The following INSC variants were observed in gnomAD, a reference collection of about 807,000 sequenced individuals.
INSC encodes the protein INSC spindle orientation adaptor protein.
In INSC, 67 loss-of-function variants were observed where a neutral mutation model predicts 58.6. The ratio of observed to expected loss-of-function variants is 1.14; its 90% CI spans 0.94 to 1.40. The LOEUF (loss-of-function observed/expected upper bound fraction) is 1.40. Among genes scored for constraint, INSC ranks in the 40% most tolerant of loss-of-function variants. INSC has a pLI of 0.00. For missense variants in INSC, 714 were observed against 692.0 expected (o/e 1.03, Z -0.36); for synonymous variants, 262 against 276.1 (o/e 0.95, Z 0.51).
chr11:15,116,600 G>A lies in INSC; in HGVS notation c.-46+1597G>A, dbSNP rs565871012. On this transcript the variant is annotated intron_variant, in intron 1 of 12. Coordinates refer to ENST00000379556, the MANE Select transcript of INSC (RefSeq NM_001042536.3). ...GTTATTCTTCTTAGTAGAGCTTCTA[G>A]ACCTGTCCCATCCTGGCTATTCTCT... is the stretch of plus-strand genomic sequence containing the variant. Among the ~76,000 whole-genome samples the A allele has an allele frequency of 1.1e-4, 17 of 152,246 alleles. No homozygotes were observed. In the East Asian group the frequency reaches 2.7e-3, roughly 24 times the overall value.
chr11:15,238,819 G>A, intron 10 of INSC, 100 bp from the exon 11 acceptor site: 2 of 1,267,412 alleles, frequency 1.6e-6, no homozygotes, highest in Non-Finnish European at 2.2e-6. Flanking sequence ...AAGTCATCCT[G>A]ACAGCCTTTG....
chr11:15,235,492 G>A (rs1049584199), intron 9 of INSC, 110 bp from the exon 10 acceptor site: 15 of 813,726 alleles, frequency 1.8e-5, no homozygotes, highest in South Asian at 1.6e-4. Flanking sequence ...GGACAGGAAG[G>A]AGTCACGGGA....
intron 8 of INSC, among the ~76,000 whole-genome samples, chr11:15,222,299 G>T (rs537965972): frequency 6.6e-6 from 1 of 152,146 alleles, no homozygotes; most frequent in Non-Finnish European, 1.5e-5. Flanking sequence ...AATTTTTTGT[G>T]ACCCACCTCT....
intron 7 of INSC, among the ~76,000 whole-genome samples, chr11:15,218,996 G>C (rs1217246036): frequency 2.6e-5 from 4 of 152,326 alleles, no homozygotes; most frequent in Admixed American, 2.6e-4. Context: ...GAGTTAACAA[G>C]CTGTGGTCCC....
At chr11:15,162,092 G>T (rs1849038877) in intron 2 of INSC, among the ~76,000 whole-genome samples, 1 of 152,164 alleles carries the variant, frequency 6.6e-6, no homozygotes, top group Non-Finnish European at 1.5e-5. Context: ...TTGGGTTATA[G>T]AGAAGTATAT....
intron 1 of INSC, among the ~76,000 whole-genome samples, chr11:15,135,373 T>C (rs1006792024): frequency 1.3e-5 from 2 of 152,236 alleles, no homozygotes; most frequent in African/African-American, 4.8e-5. Context: ...ATGTGGCCCA[T>C]GTACCTTATA....
chr11:15,168,677 G>T (rs367602094), intron 2 of INSC, among the ~76,000 whole-genome samples: 13 of 152,192 alleles, frequency 8.5e-5, no homozygotes, highest in African/African-American at 3.1e-4. Flanking sequence ...TATCTATTTT[G>T]TGGATGAAGA....
intron 6 of INSC, among the ~76,000 whole-genome samples, chr11:15,198,737 G>C (rs1850466208): frequency 6.6e-6 from 1 of 152,066 alleles, no homozygotes; most frequent in Non-Finnish European, 1.5e-5. Context: ...GCTGATGAGA[G>C]CTTAGGACTT....
chr11:15,175,363 G>C (rs1477214714), intron 2 of INSC, among the ~76,000 whole-genome samples: 1 of 152,026 alleles, frequency 6.6e-6, no homozygotes, highest in African/African-American at 2.4e-5. Context: ...TTGATATTTA[G>C]GCTATTTCCA....
At chr11:15,238,014 G>T (rs918043157) in intron 10 of INSC, among the ~76,000 whole-genome samples, 1 of 152,144 alleles carries the variant, frequency 6.6e-6, no homozygotes, top group African/African-American at 2.4e-5. Flanking sequence ...GGAGCCACTG[G>T]GTGCAGAAGA....
chr11:15,200,740 C>A (rs780692277), intron 6 of INSC, 84 bp from the exon 7 acceptor site: 203 of 1,581,208 alleles, frequency 1.3e-4, no homozygotes, highest in Non-Finnish European at 1.7e-4. Context: ...GCATATCTGG[C>A]GAATCAGGGA....
intron 7 of INSC, among the ~76,000 whole-genome samples, chr11:15,218,247 A>G (rs181324631): frequency 3.3e-5 from 5 of 152,370 alleles, no homozygotes; most frequent in African/African-American, 1.2e-4. Context: ...AAGAGGTTTC[A>G]TAAACAAATA....
chr11:15,225,802 G>C lies in INSC; in HGVS notation c.1144G>C (p.Val382Leu). 2 of 1,613,632 alleles carry C rather than the reference G, an allele frequency of 1.2e-6. No individual in the cohort carries two copies. The highest frequency in any genetic ancestry group is 1.7e-6 in the Non-Finnish European group (2 of 1,179,786). ...LLEACSDKQR[V>L]DTPYTRDQIV... ...GGAAGCCTGCAGTGACAAGCAGAGA[G>C]TGGACACGCCTTACACTCGGGACCA... Residue 382 changes from valine (V) to leucine (L), a missense_variant, in exon 9 of 13, where the codon GTG (valine) becomes CTG (leucine). Val to Leu is a conservative substitution (Grantham distance 32, BLOSUM62 1). Transcript: ENST00000379556.
rs56375160 is a variant in INSC, at chr11:15,210,505, TTGTGTGTGTGTGTGTGTGTG to T, written c.819+9579_819+9598del. 3.0e-5 allele frequency among the ~76,000 whole-genome samples: 4 copies of T among 135,562 alleles called. No homozygotes were observed. The East Asian group carries it at 6.6e-4, about 22-fold the overall frequency. The allele number at this position is 135,562 out of a possible 152,430, so 88.9% of individuals were successfully genotyped here. On this transcript the variant is annotated intron_variant, in intron 7 of 12. Coordinates refer to ENST00000379556, the MANE Select transcript of INSC (RefSeq NM_001042536.3). ...TAGATGGAGCTCTGCATTTGAGAGT[TTGTGTGTGTGTGTGTGTGTG>T]TGTGTGTGTGTGTGTGTGTGTGGTG...
rs1304086651 is a variant in INSC, at chr11:15,140,435, T to C, written c.-45-8695T>C. Among the ~76,000 whole-genome samples the C allele has an allele frequency of 2.0e-5, 3 of 152,220 alleles. No individual in the cohort carries two copies. In the East Asian group the frequency reaches 5.8e-4, roughly 29 times the overall value. On this transcript the variant is annotated intron_variant, in intron 1 of 12. Coordinates refer to ENST00000379556, the MANE Select transcript of INSC (RefSeq NM_001042536.3). ...ATGGTAAACCACTCTGAGGTGCTGG[T>C]GGGCCTGTTCACTCCAGCCAGGCAA...
intron 1 of INSC, among the ~76,000 whole-genome samples, chr11:15,139,874 G>C (rs890096522): frequency 2.6e-5 from 4 of 152,178 alleles, no homozygotes; most frequent in Admixed American, 2.6e-4. Context: ...TCTCACTTTT[G>C]ATCATTAAAT....
chr11:15,228,342 G>T (rs548170430), intron 9 of INSC, among the ~76,000 whole-genome samples: 193 of 152,308 alleles, frequency 1.3e-3, no homozygotes, highest in African/African-American at 4.2e-3. Flanking sequence ...CTAGGAAAAG[G>T]AGATCAGGGT....
At chr11:15,138,940 G>C (rs555542525) in intron 1 of INSC, among the ~76,000 whole-genome samples, 1 of 152,248 alleles carries the variant, frequency 6.6e-6, no homozygotes, top group Admixed American at 6.5e-5. Flanking sequence ...ATGTTATTGA[G>C]CAAACTCCAA....
At chr11:15,268,742 CAG>C in the INSC span, among the ~76,000 whole-genome samples, 1 of 152,024 alleles carries the variant, frequency 6.6e-6, no homozygotes, top group Non-Finnish European at 1.5e-5. Flanking sequence ...TCTGATTATT[CAG>C]AGTCTGTCTA....
Sources: gnomAD v4.1 joint callset for allele counts (sites outside exome capture counted in the v4.1 genomes callset) on GRCh38, gnomAD v4.1.1 for gene constraint, MANE v1.5 for transcripts, NCBI Gene and HGNC (gene_info 2026-07-23, HGNC 2026-07-21) for gene names.